The following PREX1 variants were observed in gnomAD, a reference collection of about 807,000 sequenced individuals.
PREX1 encodes phosphatidylinositol-3,4,5-trisphosphate dependent Rac exchange factor 1.
In PREX1, 41 loss-of-function variants were observed where a neutral mutation model predicts 198.3. The ratio of observed to expected loss-of-function variants is 0.21; its 90% CI spans 0.16 to 0.27. The LOEUF is 0.27. Ranked by LOEUF, PREX1 falls within the 10% of genes least tolerant of loss-of-function variation. PREX1 has a pLI of 1.00. For synonymous variants in PREX1, 843 were observed against 887.2 expected (o/e 0.95, Z 0.89); for missense variants, 1,620 against 2,200.7 (o/e 0.74, Z 5.28).
chr20:48,810,614 C>T (rs935078854), intron 1 of PREX1, among the ~76,000 whole-genome samples: 1 of 142,092 alleles, frequency 7.0e-6, no homozygotes, highest in African/African-American at 2.6e-5. Flanking sequence ...AGGCAGGGCA[C>T]GGTGGCTCAC....
At position 48,676,282 on chromosome 20, in the gene PREX1, G is replaced by A. The variant is rs1287986584; in HGVS notation, c.1590-14C>T. 1.2e-6 allele frequency: 2 copies of A among 1,612,680 alleles called. No individual in the cohort carries two copies. Among genetic ancestry groups the A allele is most frequent in the East Asian group, 4.5e-5 (2 of 44,862 alleles). ...TAATCACGGTCTCTGTGGAGAAGGT[G>A]AGCGCACAGTGAGCAGGGCAGGGCG... On this transcript the variant is annotated splice_polypyrimidine_tract_variant and intron_variant, in intron 13 of 39. Coordinates refer to ENST00000371941, the MANE Select transcript of PREX1 (RefSeq NM_020820.4).
intron 32 of PREX1, 48 bp from the exon 33 acceptor site, chr20:48,634,823 C>T (rs376995711): frequency 1.3e-6 from 2 of 1,517,946 alleles, no homozygotes; most frequent in Non-Finnish European, 1.8e-6. Context: ...CAACCCTGCC[C>T]CAGGGTTTCC....
intron 18 of PREX1, chr20:48,656,340 A>G: frequency 2.6e-6 from 1 of 379,308 alleles, no homozygotes; most frequent in Non-Finnish European, 5.4e-6. Flanking sequence ...TTTGCCCCTG[A>G]CAATCTGAGC....
intron 3 of PREX1, among the ~76,000 whole-genome samples, chr20:48,738,417 A>C (rs1439809051): frequency 6.6e-6 from 1 of 152,124 alleles, no homozygotes; most frequent in Non-Finnish European, 1.5e-5. Flanking sequence ...GGAGAAGTTA[A>C]ATTTAGCAAA....
At chr20:48,797,307 G>T (rs908879131) in intron 1 of PREX1, among the ~76,000 whole-genome samples, 1 of 151,936 alleles carries the variant, frequency 6.6e-6, no homozygotes, top group Non-Finnish European at 1.5e-5. Context: ...CAGCAGAGCA[G>T]GACAAAGGGC....
chr20:48,822,239 G>C (rs6095311), intron 1 of PREX1, among the ~76,000 whole-genome samples: 2 of 152,246 alleles, frequency 1.3e-5, no homozygotes, highest in Non-Finnish European at 2.9e-5. Context: ...ACTGAAATAA[G>C]GTGGACTTTT....
At chr20:48,793,796 T>C (rs938810904) in intron 1 of PREX1, among the ~76,000 whole-genome samples, 4 of 152,240 alleles carry the variant, frequency 2.6e-5, no homozygotes, top group Admixed American at 2.0e-4. Flanking sequence ...CATTACTTAT[T>C]CATATGTAAG....
At chr20:48,689,910 AGAG>A (rs1568825687) in intron 9 of PREX1, among the ~76,000 whole-genome samples, 1 of 152,210 alleles carries the variant, frequency 6.6e-6, no homozygotes, top group African/African-American at 2.4e-5. Context: ...TAGGGAGAAG[AGAG>A]GAGAAGCGGA....
intron 1 of PREX1, among the ~76,000 whole-genome samples, chr20:48,795,687 A>C (rs958652872): frequency 6.6e-6 from 1 of 152,160 alleles, no homozygotes; most frequent in Non-Finnish European, 1.5e-5. Context: ...GCCCTGCAAA[A>C]TGGTAGGCAG....
intron 5 of PREX1, among the ~76,000 whole-genome samples, chr20:48,723,278 A>G (rs1485620876): frequency 6.6e-6 from 1 of 152,228 alleles, no homozygotes; most frequent in Non-Finnish European, 1.5e-5. Flanking sequence ...AATCTGGAGA[A>G]GCCAGAGGGG....
chr20:48,737,654 C>G (rs1433460544), intron 3 of PREX1, among the ~76,000 whole-genome samples: 1 of 152,196 alleles, frequency 6.6e-6, no homozygotes, highest in Non-Finnish European at 1.5e-5. Flanking sequence ...GTTCCCCGTC[C>G]TAATAACAGT....
At chr20:48,651,688 T>G in intron 21 of PREX1, 105 bp from the exon 22 acceptor site, 1 of 1,092,288 alleles carries the variant, frequency 9.2e-7, no homozygotes, top group Non-Finnish European at 1.3e-6. Flanking sequence ...GAACAGCAAG[T>G]GCAAAGGCCC....
intron 5 of PREX1, among the ~76,000 whole-genome samples, chr20:48,716,270 C>T (rs1182467279): frequency 6.6e-6 from 1 of 152,202 alleles, no homozygotes; most frequent in Non-Finnish European, 1.5e-5. Flanking sequence ...GCAGAGAAGC[C>T]TGGGCTTCCG....
At position 48,625,058 on chromosome 20, in the gene PREX1, CTCTT is replaced by C. The variant is rs761311786; in HGVS notation, c.*823_*826del. 5.2e-5 allele frequency: 8 copies of C among 152,526 alleles called. No individual in the cohort carries two copies. The highest frequency in any genetic ancestry group is 1.0e-4 in the Non-Finnish European group (7 of 68,014). 9.4% of individuals were successfully genotyped at this position (152,526 alleles called of 1,614,324 possible). A position where few individuals can be genotyped will look rare whatever the true frequency, so the allele number is the denominator to read the frequency against. ...TCAATAATTTAGTTTTTCTTTTGTG[CTCTT>C]TTTTTTTTAGTAGAAGCAGGAACAG... On this transcript the variant is annotated 3_prime_UTR_variant, in exon 40 of 40. Transcript: ENST00000371941.
At chr20:48,658,275 C>T (rs6063303) in intron 16 of PREX1, 47 bp from the exon 17 acceptor site, 1 of 1,591,902 alleles carries the variant, frequency 6.3e-7, no homozygotes, top group East Asian at 2.2e-5. Context: ...CGAGGTGGGC[C>T]TACGGCCAGC....
the PREX1 span, among the ~76,000 whole-genome samples, chr20:48,868,127 G>A: frequency 6.6e-6 from 1 of 152,108 alleles, no homozygotes; most frequent in East Asian, 1.9e-4. Context: ...TTATACTCCT[G>A]TCTAAGAAAA....
chr20:48,688,828 T>C (rs1188956715), intron 9 of PREX1, 24 bp from the exon 10 acceptor site: 1 of 1,613,292 alleles, frequency 6.2e-7, no homozygotes, highest in African/African-American at 1.3e-5. Context: ...CGGTCAGCAC[T>C]GGAGAGAGCA....
chr20:48,656,942 A>G (rs947734389), intron 18 of PREX1, 98 bp downstream of exon 18: 2 of 1,399,636 alleles, frequency 1.4e-6, no homozygotes, highest in African/African-American at 2.9e-5. Context: ...AATGGGTCCC[A>G]GCCACGGGGG....
At chr20:48,675,843 C>A (rs949840888) in intron 14 of PREX1, among the ~76,000 whole-genome samples, 3 of 152,114 alleles carry the variant, frequency 2.0e-5, no homozygotes, top group Non-Finnish European at 4.4e-5. Context: ...TCGAGACCAG[C>A]CTGGCCAACA....
Sources: gnomAD v4.1 joint callset for allele counts (sites outside exome capture counted in the v4.1 genomes callset) on GRCh38, gnomAD v4.1.1 for gene constraint, MANE v1.5 for transcripts, NCBI Gene and HGNC (gene_info 2026-07-23, HGNC 2026-07-21) for gene names.